The following KLF9 variants were observed in gnomAD, a reference collection of about 807,000 sequenced individuals.
The protein encoded by KLF9 is KLF transcription factor 9, also known as Krueppel-like factor 9.
Under a neutral mutation model 17.3 loss-of-function variants are expected in KLF9, and 2 were observed. The ratio of observed to expected loss-of-function variants is 0.12; its 90% CI spans 0.05 to 0.36. The LOEUF is 0.36. Among genes scored for constraint, KLF9 ranks in the 10% least tolerant of loss-of-function variants. The probability of loss-of-function intolerance (pLI) is 1.00; values close to 1 mark genes in which losing one functional copy is unlikely to be tolerated. For synonymous variants in KLF9, 138 were observed against 139.2 expected, an observed-to-expected ratio of 0.99 and a Z score of 0.06; for missense variants, 226 against 333.2, an observed-to-expected ratio of 0.68 and a Z score of 2.51.
Position 70,409,187 on chromosome 9 carries a change from T to C in KLF9, c.505+3672A>G, listed in dbSNP as rs1340795835. The stretch of plus-strand genomic sequence containing the variant: ...ACATATATGTATATATATGTATACA[T>C]ATACATGTATATGTATATATATATA... On this transcript the variant is annotated intron_variant, in intron 1 of 1. Transcript: ENST00000377126. Among the ~76,000 whole-genome samples the C allele has an allele frequency of 1.6e-4, 10 of 62,234 alleles. 1 individual carries two copies. Among genetic ancestry groups the C allele is most frequent in the African/African-American group, 4.2e-4 (10 of 23,604 alleles). The allele number at this position is 62,234 out of a possible 152,430, so 40.8% of individuals were successfully genotyped here.
chr9:70,403,728 G>A (rs2037239705), intron 1 of KLF9, among the ~76,000 whole-genome samples: 1 of 152,098 alleles, frequency 6.6e-6, no homozygotes, highest in African/African-American at 2.4e-5. Flanking sequence ...CTGTTGTCCT[G>A]ACTAATACAG....
intron 1 of KLF9, among the ~76,000 whole-genome samples, chr9:70,396,145 C>T (rs922996704): frequency 6.6e-6 from 1 of 152,128 alleles, no homozygotes; most frequent in African/African-American, 2.4e-5. Context: ...GAAACAGGCC[C>T]TCTACCACAC....
At chr9:70,405,778 A>T (rs1473299043) in intron 1 of KLF9, among the ~76,000 whole-genome samples, 1 of 152,158 alleles carries the variant, frequency 6.6e-6, no homozygotes, top group African/African-American at 2.4e-5. Flanking sequence ...GGTGCTTCTC[A>T]CTCCCTCAGG....
At chr9:70,389,054 T>A (rs1256167934) in intron 1 of KLF9, among the ~76,000 whole-genome samples, 1 of 151,972 alleles carries the variant, frequency 6.6e-6, no homozygotes, top group Non-Finnish European at 1.5e-5. Flanking sequence ...GACAGGAGAA[T>A]TGCTTGAACC....
At chr9:70,406,646 TG>T (rs2037257003) in intron 1 of KLF9, among the ~76,000 whole-genome samples, 1 of 152,072 alleles carries the variant, frequency 6.6e-6, no homozygotes, top group Non-Finnish European at 1.5e-5. Flanking sequence ...TAACCATCTG[TG>T]GGGTTTTTTT....
At chr9:70,407,215 G>C (rs2037261941) in intron 1 of KLF9, among the ~76,000 whole-genome samples, 1 of 152,188 alleles carries the variant, frequency 6.6e-6, no homozygotes, top group Non-Finnish European at 1.5e-5. Flanking sequence ...AGATGTTGCA[G>C]AATGACTAGT....
intron 1 of KLF9, among the ~76,000 whole-genome samples, chr9:70,392,380 T>A (rs956660986): frequency 3.3e-5 from 5 of 152,184 alleles, no homozygotes; most frequent in Non-Finnish European, 1.5e-5. Flanking sequence ...TTCAACATTA[T>A]AAATTATGGT....
At position 70,394,024 on chromosome 9, in the gene KLF9, CAAAAAAAAAAAAA is replaced by C. The variant is rs10717844; in HGVS notation, c.506-6032_506-6020del. Among the ~76,000 whole-genome samples the C allele has an allele frequency of 1.5e-4, 12 of 80,546 alleles. 1 individual carries two copies. The highest frequency in any genetic ancestry group is 4.7e-4 in the African/African-American group (10 of 21,444). 52.8% of individuals were successfully genotyped at this position (80,546 alleles called of 152,430 possible). ...TGAGAGTGAGACTGAGACCCTGTCT[CAAAAAAAAAAAAA>C]AAAAAAAGAGTGGTTTCTGATTGCA... On this transcript the variant is annotated intron_variant, in intron 1 of 1. Transcript: ENST00000377126.
At position 70,388,128 on chromosome 9, in the gene KLF9, C is replaced by T. The variant is rs1214506672; in HGVS notation, c.506-123G>A. ...TCCCTCGGAGATGATTATTATGTGT[C>T]CCCCTCCCCAAAATCCCTATGTTGA... On this transcript the variant is annotated intron_variant, in intron 1 of 1. Transcript: ENST00000377126. The T allele has an allele frequency of 7.9e-6, 6 of 762,590 alleles. No individual in the cohort carries two copies. The African/African-American group carries it at 1.0e-4, about 13-fold the overall frequency. 47.2% of individuals were successfully genotyped at this position (762,590 alleles called of 1,614,324 possible). A position where few individuals can be genotyped will look rare whatever the true frequency, so the allele number is the denominator to read the frequency against.
chr9:70,395,218 A>T (rs1392664825), intron 1 of KLF9, among the ~76,000 whole-genome samples: 1 of 152,258 alleles, frequency 6.6e-6, no homozygotes, highest in Non-Finnish European at 1.5e-5. Context: ...ATTTCAAATC[A>T]GTGAAACAGA....
At position 70,413,452 on chromosome 9, in the gene KLF9, A is replaced by AGCGCGGCGCGGCGCGGCACG; in HGVS notation, c.-109_-90dup. 3.2e-6 allele frequency: 4 copies of AGCGCGGCGCGGCGCGGCACG among 1,258,022 alleles called. No homozygotes were observed. Among genetic ancestry groups the AGCGCGGCGCGGCGCGGCACG allele is most frequent in the Non-Finnish European group, 4.0e-6 (4 of 999,566 alleles). 77.9% of individuals were successfully genotyped at this position (1,258,022 alleles called of 1,614,324 possible). On this transcript the variant is annotated 5_prime_UTR_variant, in exon 1 of 2. Transcript: ENST00000377126. The surrounding 1 kb of genome is among the most constrained non-coding windows in gnomAD (Gnocchi z 5.6). The stretch of plus-strand genomic sequence containing the variant: ...CGCCCTGCCCTGGCCTCGGACGACG[A>AGCGCGGCGCGGCGCGGCACG]GCGCGGCGCGGCGCGGCACGGCGCG...
chr9:70,400,298 C>T (rs2037212550), intron 1 of KLF9, among the ~76,000 whole-genome samples: 1 of 152,154 alleles, frequency 6.6e-6, no homozygotes, highest in South Asian at 2.1e-4. Context: ...TGATGTCAGC[C>T]TGTGAGGATG....
rs1418148157 is a variant in KLF9 at position 70,413,043 on chromosome 9, A to C, written c.321T>G (p.Pro107=). The part of the protein sequence containing the change: ...SDVTTESGSS[P]SHSPEERQDP... ...CCTGTCTCTCCTCCGGGCTGTGGGA[A>C]GGACTCGACCCAGATTCGGTGGTCA... The change falls in exon 1 of 2, where the codon CCT becomes CCG. Residue 107 remains proline, a synonymous_variant. Coordinates refer to ENST00000377126, the MANE Select transcript of KLF9 (RefSeq NM_001206.4). The surrounding 1 kb of genome is among the most constrained non-coding windows in gnomAD (Gnocchi z 5.6). 3 of 1,613,958 alleles carry C rather than the reference A, an allele frequency of 1.9e-6. No individual in the cohort carries two copies. Among genetic ancestry groups the C allele is most frequent in the Admixed American group, 3.3e-5 (2 of 60,004 alleles).
chr9:70,409,770 T>A (rs2037296543), intron 1 of KLF9, among the ~76,000 whole-genome samples: 1 of 152,210 alleles, frequency 6.6e-6, no homozygotes, highest in Admixed American at 6.5e-5. Flanking sequence ...TAACAATGGA[T>A]CCACTGCTTA....
chr9:70,413,382 C>A lies in KLF9; in HGVS notation c.-19G>T, dbSNP rs768187832. 11 of 1,476,144 alleles carry A rather than the reference C, an allele frequency of 7.5e-6. No homozygotes were observed. The highest frequency in any genetic ancestry group is 9.9e-6 in the Non-Finnish European group (11 of 1,115,574). The allele number at this position is 1,476,144 out of a possible 1,614,324, so 91.4% of individuals were successfully genotyped here. On this transcript the variant is annotated 5_prime_UTR_variant, in exon 1 of 2. Coordinates refer to ENST00000377126, the MANE Select transcript of KLF9 (RefSeq NM_001206.4). This position sits in a 1 kb window ranked among gnomAD's most constrained non-coding sequence, Gnocchi z 5.6. ...CGGACATGGTGCGGGCGACGGCAGC[C>A]CAGGCGGCGCGGACAAACTTGGCGG...
At position 70,413,346 on chromosome 9, in the gene KLF9, G is replaced by A. The variant is rs1044961729; in HGVS notation, c.18C>T (p.Tyr6=). The change falls in exon 1 of 2, where the codon TAC becomes TAT. Residue 6 remains tyrosine, a synonymous_variant. Transcript: ENST00000377126. This position sits in a 1 kb window ranked among gnomAD's most constrained non-coding sequence, Gnocchi z 5.6. The part of the protein sequence containing the change: MSAAA[Y]MDFVAAQCLV... ...GACACTGGGCAGCCACGAAGTCCAT[G>A]TAGGCGGCCGCGGACATGGTGCGGG... 5.1e-6 allele frequency: 8 copies of A among 1,557,072 alleles called. No individual in the cohort carries two copies. The African/African-American group carries it at 9.5e-5, about 18-fold the overall frequency.
chr9:70,384,778 T>G lies in KLF9; in HGVS notation c.*2998A>C, dbSNP rs969952456. 1 of 152,670 alleles carries G rather than the reference T, an allele frequency of 6.6e-6. No homozygotes were observed. The highest frequency in any genetic ancestry group is 1.9e-4 in the East Asian group (1 of 5,206). 9.5% of individuals were successfully genotyped at this position (152,670 alleles called of 1,614,324 possible). On this transcript the variant is annotated 3_prime_UTR_variant, in exon 2 of 2. Transcript: ENST00000377126. Reference sequence around the variant, plus strand: ...TTAAACAGTTGTAAAGATCAGTATCTTACAGTGTTACAGATCATCTGATGT... The same window carrying G: ...TTAAACAGTTGTAAAGATCAGTATCGTACAGTGTTACAGATCATCTGATGT...
intron 1 of KLF9, among the ~76,000 whole-genome samples, chr9:70,404,305 A>G (rs1160181045): frequency 6.6e-6 from 1 of 152,196 alleles, no homozygotes; most frequent in Non-Finnish European, 1.5e-5. Flanking sequence ...TAAATAATTT[A>G]AGTGAATGAG....
intron 1 of KLF9, among the ~76,000 whole-genome samples, chr9:70,404,281 T>C (rs556101094): frequency 1.3e-5 from 2 of 152,194 alleles, no homozygotes; most frequent in African/African-American, 2.4e-5. Context: ...GCTTTTTGCA[T>C]GTAAGTCACT....
Sources: gnomAD v4.1 joint callset for allele counts (sites outside exome capture counted in the v4.1 genomes callset) on GRCh38, gnomAD v4.1.1 for gene constraint, Gnocchi (gnomAD v3.1) non-coding constraint, MANE v1.5 for transcripts, NCBI Gene and HGNC (gene_info 2026-07-23, HGNC 2026-07-21) for gene names.